The following COL4A2 variants were observed in gnomAD, a reference collection of about 807,000 sequenced individuals.
The protein encoded by COL4A2 is collagen alpha-2(IV) chain.
Under a neutral mutation model 200.2 loss-of-function variants are expected in COL4A2, and 99 were observed. That is an observed-to-expected ratio of 0.49 (90% CI 0.42 to 0.58). The LOEUF is 0.58. COL4A2 is among the 20% of genes least tolerant of loss of function. COL4A2 has a pLI of 0.00. For synonymous variants in COL4A2, 897 were observed against 900.6 expected (o/e 1.00, Z 0.07); for missense variants, 1,950 against 2,314.1 (o/e 0.84, Z 3.23).
chr13:110,327,519 C>A (rs1477455052), intron 3 of COL4A2, among the ~76,000 whole-genome samples: 1 of 152,220 alleles, frequency 6.6e-6, no homozygotes, highest in East Asian at 1.9e-4. Context: ...AAAAGACAAG[C>A]AATTGAATGT....
intron 12 of COL4A2, 93 bp downstream of exon 12, chr13:110,434,535 C>T: frequency 1.5e-6 from 2 of 1,349,898 alleles, no homozygotes; most frequent in East Asian, 2.3e-5. Flanking sequence ...TGCTGTAAAA[C>T]TTTTACCTTG....
At chr13:110,431,435 T>G (rs906485817) in intron 10 of COL4A2, among the ~76,000 whole-genome samples, 18 of 152,122 alleles carry the variant, frequency 1.2e-4, no homozygotes, top group Non-Finnish European at 2.9e-5. Flanking sequence ...TTATAATAAA[T>G]GACAATAATA....
At chr13:110,351,772 G>A (rs953139476) in intron 3 of COL4A2, among the ~76,000 whole-genome samples, 4 of 152,154 alleles carry the variant, frequency 2.6e-5, no homozygotes, top group Non-Finnish European at 5.9e-5. Flanking sequence ...TGGCAAGGTA[G>A]GACTGCCTGC....
chr13:110,459,020 A>G (rs1881906794), intron 22 of COL4A2, 86 bp downstream of exon 22: 1 of 1,324,530 alleles, frequency 7.5e-7, no homozygotes, highest in East Asian at 2.6e-5. Context: ...TCCTAAGTTT[A>G]CACAGCTTCA....
intron 4 of COL4A2, 96 bp downstream of exon 4, chr13:110,357,648 A>G (rs1877338715): frequency 1.3e-6 from 2 of 1,510,740 alleles, no homozygotes; most frequent in Middle Eastern, 2.0e-4. Context: ...GTGGCTGGGC[A>G]GTTTCATCAT....
At chr13:110,454,027 GT>G (rs1369162620) in intron 20 of COL4A2, among the ~76,000 whole-genome samples, 1 of 152,158 alleles carries the variant, frequency 6.6e-6, no homozygotes, top group Non-Finnish European at 1.5e-5. Flanking sequence ...GAAAACCAGA[GT>G]TTTTAGTCTT....
intron 4 of COL4A2, among the ~76,000 whole-genome samples, chr13:110,420,882 C>T (rs943482838): frequency 6.6e-6 from 1 of 152,232 alleles, no homozygotes; most frequent in African/African-American, 2.4e-5. Context: ...GCAGGCTTTA[C>T]ATTGTGCACA....
At chr13:110,452,702 A>C (rs1221262226) in intron 20 of COL4A2, among the ~76,000 whole-genome samples, 1 of 152,216 alleles carries the variant, frequency 6.6e-6, no homozygotes, top group Non-Finnish European at 1.5e-5. Context: ...TTAGGTGCAG[A>C]TATTTCCCTG....
At chr13:110,415,084 A>G (rs901659957) in intron 4 of COL4A2, among the ~76,000 whole-genome samples, 2 of 152,156 alleles carry the variant, frequency 1.3e-5, no homozygotes, top group African/African-American at 4.8e-5. Flanking sequence ...AACTACATGG[A>G]GGGAGAAACA....
intron 4 of COL4A2, among the ~76,000 whole-genome samples, chr13:110,378,492 C>T (rs946020574): frequency 2.0e-5 from 3 of 152,314 alleles, no homozygotes; most frequent in South Asian, 2.1e-4. Flanking sequence ...CCGGGTCCCT[C>T]GCCTCAGGAG....
rs186477441 is a variant in COL4A2 at position 110,458,222 on chromosome 13, C to T, written c.1433-549C>T. ...GCCTCCCCACTGGGCATCCTCTGTG[C>T]CCTGGGGGAGCCAACCCCTGCCGCC... On this transcript the variant is annotated intron_variant, in intron 21 of 47. Coordinates refer to ENST00000360467, the MANE Select transcript of COL4A2 (RefSeq NM_001846.4). 7.0e-3 allele frequency: 3,013 copies of T among 428,776 alleles called. 28 individuals carry two copies. The highest frequency in any genetic ancestry group is 0.018 in the South Asian group (1,024 of 56,404). 26.6% of individuals were successfully genotyped at this position (428,776 alleles called of 1,614,324 possible). A position where few individuals can be genotyped will look rare whatever the true frequency, so the allele number is the denominator to read the frequency against.
intron 3 of COL4A2, among the ~76,000 whole-genome samples, chr13:110,327,571 A>G (rs1318271595): frequency 1.3e-5 from 2 of 152,208 alleles, no homozygotes; most frequent in African/African-American, 4.8e-5. Context: ...ATGGTTTTTA[A>G]GTGTGTGTCT....
At chr13:110,479,710 C>T (rs985235951) in intron 30 of COL4A2, among the ~76,000 whole-genome samples, 5 of 152,018 alleles carry the variant, frequency 3.3e-5, no homozygotes, top group Admixed American at 6.5e-5. Flanking sequence ...TCGGGGGAGG[C>T]GGGAGGACAG....
intron 3 of COL4A2, among the ~76,000 whole-genome samples, chr13:110,332,858 G>A (rs1049249951): frequency 3.3e-5 from 5 of 152,214 alleles, no homozygotes; most frequent in Non-Finnish European, 7.3e-5. Flanking sequence ...CAATGGTGAA[G>A]CTCACTGCTG....
At chr13:110,431,826 A>C (rs1241828884) in intron 10 of COL4A2, among the ~76,000 whole-genome samples, 1 of 152,340 alleles carries the variant, frequency 6.6e-6, no homozygotes, top group East Asian at 1.9e-4. Context: ...AATCCTAAGC[A>C]CAGTGTTGAC....
rs747122463 is a variant in COL4A2 at position 110,503,437 on chromosome 13, G to C, written c.4094G>C (p.Gly1365Ala). The change falls in exon 43 of 48, where the codon GGC (glycine) becomes GCC (alanine). Residue 1365 changes from glycine (G) to alanine (A), a missense_variant. By Grantham distance (60) the Gly-to-Ala change is moderately conservative. This residue lies in a region of COL4A2 where 1,385 missense variants were observed against 1,720.5 expected (regional missense o/e 0.80). Coordinates refer to ENST00000360467, the MANE Select transcript of COL4A2 (RefSeq NM_001846.4). ...AACACTGGACCCACTGGGGCGGTGGGCGACAGAGGCCCCAAGGGACCCAAG... is the reference window on the plus strand; with the variant it reads ...AACACTGGACCCACTGGGGCGGTGGCCGACAGAGGCCCCAAGGGACCCAAG... ...MGNTGPTGAVGDRGPKGPKGD... is the reference protein window; with the variant it reads ...MGNTGPTGAVADRGPKGPKGD... 1.3e-6 allele frequency: 2 copies of C among 1,587,100 alleles called. No homozygotes were observed.
intron 3 of COL4A2, among the ~76,000 whole-genome samples, chr13:110,310,305 C>T (rs1884940001): frequency 6.6e-6 from 1 of 152,230 alleles, no homozygotes; most frequent in Non-Finnish European, 1.5e-5. Flanking sequence ...CAGGCCCCAT[C>T]TCAGACCTTC....
At chr13:110,454,674 G>A (rs1279879669) in intron 20 of COL4A2, among the ~76,000 whole-genome samples, 1 of 151,706 alleles carries the variant, frequency 6.6e-6, no homozygotes, top group East Asian at 1.9e-4. Context: ...ACTGGCCCCC[G>A]ACATCTCTCC....
chr13:110,499,916 T>G, intron 40 of COL4A2, among the ~76,000 whole-genome samples: 1 of 152,246 alleles, frequency 6.6e-6, no homozygotes, highest in East Asian at 1.9e-4. Flanking sequence ...TTTCGGGTAC[T>G]TTGTGACAAT....
Sources: gnomAD v4.1 joint callset for allele counts (sites outside exome capture counted in the v4.1 genomes callset) on GRCh38, gnomAD v4.1.1 for gene constraint, gnomAD v4.1.1 regional missense constraint, MANE v1.5 for transcripts, NCBI Gene and HGNC (gene_info 2026-07-23, HGNC 2026-07-21) for gene names.